Variants in COL25A1 observed in about 807,000 individuals in gnomAD.
The protein encoded by COL25A1 is collagen alpha-1(XXV) chain.
In COL25A1, 103 loss-of-function variants were observed where a neutral mutation model predicts 128.4. That is an observed-to-expected ratio of 0.80 (90% confidence interval 0.68 to 0.94). COL25A1 has a LOEUF of 0.94. COL25A1 is among the 40% of genes least tolerant of loss of function. The pLI is 0.00. For missense variants in COL25A1, 745 were observed against 840.0 expected (o/e 0.89, Z 1.40); for synonymous variants, 279 against 277.2 (o/e 1.01, Z -0.06).
At chr4:109,109,832 G>T (rs1268440863) in intron 3 of COL25A1, among the ~76,000 whole-genome samples, 1 of 152,120 alleles carries the variant, frequency 6.6e-6, no homozygotes, top group African/African-American at 2.4e-5. Flanking sequence ...ATTAGACACG[G>T]AAACAGAGAT....
At chr4:108,925,871 T>C (rs1419524826) in intron 11 of COL25A1, among the ~76,000 whole-genome samples, 1 of 152,178 alleles carries the variant, frequency 6.6e-6, no homozygotes, top group Non-Finnish European at 1.5e-5. Flanking sequence ...AATTACATGG[T>C]ATCATTAACA....
intron 3 of COL25A1, among the ~76,000 whole-genome samples, chr4:109,221,607 A>G (rs909464137): frequency 6.6e-6 from 1 of 152,234 alleles, no homozygotes; most frequent in Non-Finnish European, 1.5e-5. Context: ...ACATAGATAG[A>G]AAATAACTCT....
At chr4:109,110,386 C>A (rs1164702326) in intron 3 of COL25A1, among the ~76,000 whole-genome samples, 1 of 152,136 alleles carries the variant, frequency 6.6e-6, no homozygotes. Context: ...GTATAGACCC[C>A]ATTTCCTCTC....
chr4:108,922,679 A>T (rs1482221514), intron 11 of COL25A1, among the ~76,000 whole-genome samples: 2 of 152,236 alleles, frequency 1.3e-5, no homozygotes, highest in Non-Finnish European at 2.9e-5. Flanking sequence ...AAATTAAATA[A>T]GTTGTATATT....
At chr4:108,905,081 C>T (rs1236071033) in intron 13 of COL25A1, among the ~76,000 whole-genome samples, 1 of 152,108 alleles carries the variant, frequency 6.6e-6, no homozygotes, top group Non-Finnish European at 1.5e-5. Context: ...GGTCATCTAG[C>T]AGTAATATTG....
chr4:108,830,744 G>A (rs566794745), intron 32 of COL25A1, among the ~76,000 whole-genome samples: 9 of 152,348 alleles, frequency 5.9e-5, no homozygotes, highest in Admixed American at 4.6e-4. Flanking sequence ...TGGAGCTATC[G>A]GAAGTAGCAG....
intron 24 of COL25A1, among the ~76,000 whole-genome samples, chr4:108,853,500 G>C (rs547715064): frequency 3.9e-5 from 6 of 151,922 alleles, no homozygotes; most frequent in Non-Finnish European, 7.4e-5. Context: ...AAAAACAAAT[G>C]AGTTTTTAAA....
intron 24 of COL25A1, among the ~76,000 whole-genome samples, chr4:108,853,469 T>C (rs1736068658): frequency 6.6e-6 from 1 of 152,052 alleles, no homozygotes; most frequent in Admixed American, 6.6e-5. Flanking sequence ...GGCATTCCAA[T>C]TTTTTTGTGA....
At chr4:109,293,978 G>A (rs189559451) in intron 3 of COL25A1, among the ~76,000 whole-genome samples, 7 of 152,102 alleles carry the variant, frequency 4.6e-5, no homozygotes, top group Non-Finnish European at 4.4e-5. Context: ...TCATATCTGT[G>A]AATTTATCTA....
Position 108,970,829 on chromosome 4 carries a change from C to T in COL25A1, c.492+3538G>A, listed in dbSNP as rs562237279. ...TTATCTTTCTGTACCTGCCTTATTT[C>T]ACTTAACATAATGTCCTTCAGGTTC... On this transcript the variant is annotated intron_variant, in intron 8 of 37. Transcript: ENST00000399132. 2.0e-5 allele frequency among the ~76,000 whole-genome samples: 3 copies of T among 152,264 alleles called. No homozygotes were observed. In the South Asian group the frequency reaches 6.2e-4, roughly 32 times the overall value.
At chr4:108,964,101 TAATA>T (rs1293333578) in intron 8 of COL25A1, among the ~76,000 whole-genome samples, 4 of 149,422 alleles carry the variant, frequency 2.7e-5, no homozygotes, top group African/African-American at 9.8e-5. Flanking sequence ...TAAATTAAAT[TAATA>T]AATTAATAAA....
intron 3 of COL25A1, among the ~76,000 whole-genome samples, chr4:109,269,684 T>A (rs1011070406): frequency 2.6e-5 from 4 of 151,960 alleles, no homozygotes; most frequent in Non-Finnish European, 5.9e-5. Context: ...TGATGGCCAG[T>A]GACGGTGAAC....
intron 8 of COL25A1, among the ~76,000 whole-genome samples, chr4:108,965,821 AT>A (rs1320651274): frequency 6.6e-6 from 1 of 152,162 alleles, no homozygotes; most frequent in Non-Finnish European, 1.5e-5. Flanking sequence ...AATGAAGTTC[AT>A]TTTTTTGCAA....
intron 3 of COL25A1, among the ~76,000 whole-genome samples, chr4:109,218,223 T>C (rs926269560): frequency 3.9e-5 from 6 of 152,152 alleles, no homozygotes; most frequent in African/African-American, 1.4e-4. Flanking sequence ...ATATGGTTTG[T>C]TATGTTTGAC....
At chr4:109,110,075 C>T (rs10013382) in intron 3 of COL25A1, among the ~76,000 whole-genome samples, 13,224 of 152,094 alleles carry the variant, frequency 0.087, 787 homozygotes, top group East Asian at 0.29. Flanking sequence ...CCTAGAGGTC[C>T]GGGATTCTTT....
At chr4:109,147,186 A>G (rs1043545242) in intron 3 of COL25A1, among the ~76,000 whole-genome samples, 2 of 152,198 alleles carry the variant, frequency 1.3e-5, no homozygotes, top group Admixed American at 1.3e-4. Context: ...AAAATTCCCA[A>G]TGATTAACAC....
At position 108,920,601 on chromosome 4, in the gene COL25A1, G is replaced by C; in HGVS notation, c.712C>G (p.Pro238Ala). Reference protein sequence around the residue: ...GKPGEQGLMGPLGPPGQKGSI... With the variant: ...GKPGEQGLMGALGPPGQKGSI... ...ACCTTTTGTCCCGGAGGCCCTAGAG[G>C]ACCCTAAAAAAGAAAAACGATTCAA... The change falls in exon 12 of 38, where the codon CCT becomes GCT. Residue 238 changes from proline to alanine, a missense_variant. By Grantham distance (27) the Pro-to-Ala change is conservative (BLOSUM62 -1). Around this residue, in one of 3 missense-constraint regions of COL25A1, gnomAD observed 319 missense variants for 324.9 expected, o/e 0.98. Coordinates refer to ENST00000399132, the MANE Select transcript of COL25A1 (RefSeq NM_198721.4). 2 of 1,601,658 alleles carry C rather than the reference G, an allele frequency of 1.2e-6. No homozygotes were observed. The highest frequency in any genetic ancestry group is 3.4e-5 in the Admixed American group (2 of 58,974).
At chr4:109,239,304 TA>T (rs1028273249) in intron 3 of COL25A1, among the ~76,000 whole-genome samples, 7 of 147,966 alleles carry the variant, frequency 4.7e-5, no homozygotes, top group Middle Eastern at 3.6e-3. Context: ...GTAGTAATAT[TA>T]TATTTATATT....
chr4:109,258,616 C>T (rs1223867904), intron 3 of COL25A1, among the ~76,000 whole-genome samples: 2 of 152,022 alleles, frequency 1.3e-5, no homozygotes, highest in African/African-American at 2.4e-5. Flanking sequence ...TTGCTATTGC[C>T]TTTTTGGCCA....
Sources: gnomAD v4.1 joint callset for allele counts (sites outside exome capture counted in the v4.1 genomes callset) on GRCh38, gnomAD v4.1.1 for gene constraint, gnomAD v4.1.1 regional missense constraint, MANE v1.5 for transcripts, NCBI Gene and HGNC (gene_info 2026-07-23, HGNC 2026-07-21) for gene names.